Variants in SLC1A2 observed in about 807,000 individuals in gnomAD.
The protein encoded by SLC1A2 is excitatory amino acid transporter 2.
SLC1A2 carries 15 observed loss-of-function variants against 48.8 expected under a neutral mutation model. That is an observed-to-expected ratio of 0.31 (90% CI 0.21 to 0.47). SLC1A2 has a LOEUF of 0.47. Ranked by LOEUF, SLC1A2 falls within the 20% of genes least tolerant of loss-of-function variation. The probability of loss-of-function intolerance (pLI) is 0.99; values close to 1 mark genes in which losing one functional copy is unlikely to be tolerated. For synonymous variants in SLC1A2, 279 were observed against 272.6 expected (o/e 1.02, Z -0.23); for missense variants, 502 against 730.5 (o/e 0.69, Z 3.61).
intron 1 of SLC1A2, among the ~76,000 whole-genome samples, chr11:35,386,671 C>A (rs955533385): frequency 1.3e-5 from 2 of 152,110 alleles, no homozygotes; most frequent in Non-Finnish European, 2.9e-5. Context: ...AGGGATAAAT[C>A]ATTTTAAAAG....
intron 1 of SLC1A2, among the ~76,000 whole-genome samples, chr11:35,351,634 T>A (rs796662940): frequency 5.3e-5 from 8 of 152,218 alleles, no homozygotes; most frequent in African/African-American, 1.9e-4. Flanking sequence ...TTTTTATTTT[T>A]ATTTATTTAT....
chr11:35,385,659 C>T (rs1816487522), intron 1 of SLC1A2, among the ~76,000 whole-genome samples: 1 of 152,184 alleles, frequency 6.6e-6, no homozygotes, highest in East Asian at 1.9e-4. Flanking sequence ...TGTGCTATAT[C>T]AAAGACAGGG....
At chr11:35,341,495 T>A (rs574784600) in intron 1 of SLC1A2, among the ~76,000 whole-genome samples, 5 of 152,136 alleles carry the variant, frequency 3.3e-5, no homozygotes, top group Non-Finnish European at 5.9e-5. Context: ...AATATTTTTT[T>A]AAAAAAACCT....
intron 1 of SLC1A2, among the ~76,000 whole-genome samples, chr11:35,359,575 A>G (rs528657554): frequency 6.6e-6 from 1 of 152,294 alleles, no homozygotes; most frequent in East Asian, 1.9e-4. Context: ...AGTATCATGT[A>G]ATTAATATAT....
chr11:35,312,258 G>C lies in SLC1A2; in HGVS notation c.501C>G (p.Ala167=), dbSNP rs777324966. Residue 167 remains alanine (A), a synonymous_variant, in exon 4 of 11, where the codon GCC becomes GCG. Coordinates refer to ENST00000278379, the MANE Select transcript of SLC1A2 (RefSeq NM_004171.4). ...AGAGATTTCGAATAAGGTCCAGGAA[G>C]GCATCCAGGCTGGACACTTCATCAT... The part of the protein sequence containing the change: ...KKNDEVSSLD[A]FLDLIRNLFP... 6.8e-6 allele frequency: 11 copies of C among 1,614,004 alleles called. No homozygotes were observed. The South Asian group carries it at 1.2e-4, about 18-fold the overall frequency.
chr11:35,395,852 G>A (rs918535152), intron 1 of SLC1A2, among the ~76,000 whole-genome samples: 4 of 109,402 alleles, frequency 3.7e-5, no homozygotes, highest in South Asian at 3.2e-4. Context: ...ACAGTCCCCA[G>A]AGTGTGATAT....
intron 1 of SLC1A2, among the ~76,000 whole-genome samples, chr11:35,361,600 A>G (rs1434502946): frequency 2.6e-5 from 4 of 152,110 alleles, no homozygotes; most frequent in African/African-American, 9.7e-5. Flanking sequence ...TTAGGTTAAG[A>G]AGAGGGGACA....
At chr11:35,301,469 C>T (rs771453686) in intron 6 of SLC1A2, 50 bp downstream of exon 6, 3 of 1,598,256 alleles carry the variant, frequency 1.9e-6, no homozygotes, top group Admixed American at 1.7e-5. Context: ...CTCTGGGGAC[C>T]CCAAGGCTTT....
intron 9 of SLC1A2, among the ~76,000 whole-genome samples, chr11:35,276,147 C>T (rs1850433016): frequency 6.6e-6 from 1 of 152,210 alleles, no homozygotes; most frequent in Non-Finnish European, 1.5e-5. Context: ...CACTCAAAGG[C>T]ATTGAACCTA....
intron 1 of SLC1A2, among the ~76,000 whole-genome samples, chr11:35,343,064 C>T (rs1004521248): frequency 3.7e-4 from 56 of 152,226 alleles, no homozygotes; most frequent in Non-Finnish European, 3.5e-4. Context: ...TCTGATACAT[C>T]GTGAGGCTTC....
At chr11:35,285,546 A>AC (rs201956966) in intron 8 of SLC1A2, 1 of 152,326 alleles carries the variant, frequency 6.6e-6, no homozygotes, top group African/African-American at 2.4e-5. Context: ...AATGTTACCC[A>AC]CTTACTCCCT....
chr11:35,388,078 C>T (rs577518915), intron 1 of SLC1A2, among the ~76,000 whole-genome samples: 183 of 152,320 alleles, frequency 1.2e-3, no homozygotes, highest in African/African-American at 4.3e-3. Context: ...AGAATTTATA[C>T]CCAAGTCTGC....
intron 1 of SLC1A2, chr11:35,380,294 C>A (rs2135200182): frequency 5.0e-6 from 2 of 398,468 alleles, no homozygotes; most frequent in Middle Eastern, 6.3e-4. Context: ...TCGACTCCAC[C>A]TAAAGATTCC....
rs1449722057 is a variant in SLC1A2 at position 35,254,759 on chromosome 11, G to A, written c.*6135C>T. 4.4e-6 allele frequency: 2 copies of A among 455,894 alleles called. No individual in the cohort carries two copies. The highest frequency in any genetic ancestry group is 2.4e-5 in the Admixed American group (1 of 42,506). 28.2% of individuals were successfully genotyped at this position (455,894 alleles called of 1,614,324 possible). A position where few individuals can be genotyped will look rare whatever the true frequency, so the allele number is the denominator to read the frequency against. On this transcript the variant is annotated 3_prime_UTR_variant, in exon 11 of 11. Transcript: ENST00000278379. ...CTAGGTCAACTTCTGACTCTACAAAGCAGTGAGGTCTGTTCCAATAGCTGG... is the reference window on the plus strand; with the variant it reads ...CTAGGTCAACTTCTGACTCTACAAAACAGTGAGGTCTGTTCCAATAGCTGG...
At chr11:35,300,957 C>T (rs1002038556) in intron 6 of SLC1A2, among the ~76,000 whole-genome samples, 2 of 151,958 alleles carry the variant, frequency 1.3e-5, no homozygotes, top group Admixed American at 1.3e-4. Flanking sequence ...TGAGGGAGGC[C>T]GAGCCTGCGA....
intron 1 of SLC1A2, among the ~76,000 whole-genome samples, chr11:35,321,298 C>T (rs965605739): frequency 7.2e-5 from 11 of 152,050 alleles, no homozygotes; most frequent in African/African-American, 2.7e-4. Flanking sequence ...CACAGCCAAA[C>T]CACATCAAGG....
chr11:35,354,255 C>A (rs1297427748), intron 1 of SLC1A2, among the ~76,000 whole-genome samples: 1 of 151,882 alleles, frequency 6.6e-6, no homozygotes, highest in East Asian at 1.9e-4. Context: ...AGTTTGAGAC[C>A]AGCCTGGTCA....
intron 1 of SLC1A2, among the ~76,000 whole-genome samples, chr11:35,383,392 A>G (rs1225310663): frequency 6.6e-6 from 1 of 152,172 alleles, no homozygotes; most frequent in Non-Finnish European, 1.5e-5. Context: ...AGCCTAAGAA[A>G]ATGCTATATG....
rs1337152340 is a variant in SLC1A2, at chr11:35,254,851, T to G, written c.*6043A>C. 4.4e-6 allele frequency: 2 copies of G among 454,018 alleles called. No individual in the cohort carries two copies. Among genetic ancestry groups the G allele is most frequent in the East Asian group, 1.4e-4 (2 of 14,376 alleles). The allele number at this position is 454,018 out of a possible 1,614,324, so 28.1% of individuals were successfully genotyped here. A position where few individuals can be genotyped will look rare whatever the true frequency, so the allele number is the denominator to read the frequency against. On this transcript the variant is annotated 3_prime_UTR_variant, in exon 11 of 11. Coordinates refer to ENST00000278379, the MANE Select transcript of SLC1A2 (RefSeq NM_004171.4). ...GGATTTTGTAAAATATCAAAATGAA[T>G]ATTTGGCCTGGAGGTTGGAAAGTGA... is the stretch of plus-strand genomic sequence containing the variant.
Sources: allele counts gnomAD v4.1 joint callset (sites outside exome capture counted in the v4.1 genomes callset), GRCh38; gene constraint gnomAD v4.1.1; transcripts MANE v1.5; gene names NCBI Gene and HGNC (gene_info 2026-07-23, HGNC 2026-07-21).